The following PCDH11X variants were observed in gnomAD, a reference collection of about 807,000 sequenced individuals.
The protein encoded by PCDH11X is protocadherin 11 X-linked, also known as protocadherin-11 X-linked.
In PCDH11X, 18 loss-of-function variants were observed where a neutral mutation model predicts 53.3. That is an observed-to-expected ratio of 0.34 (90% CI 0.23 to 0.50). PCDH11X has a LOEUF of 0.50. Ranked by LOEUF, PCDH11X falls within the 20% of genes least tolerant of loss-of-function variation. The pLI is 0.98. For missense variants in PCDH11X, 570 were observed against 1,032.4 expected, an observed-to-expected ratio of 0.55 and a Z score of 6.14; for synonymous variants, 279 against 393.3, an observed-to-expected ratio of 0.71 and a Z score of 3.44.
At chrX:91,787,267 A>G (rs922682968) in intron 1 of PCDH11X, among the ~76,000 whole-genome samples, 3 of 109,952 alleles carry the variant, frequency 2.7e-5, no homozygotes, top group Non-Finnish European at 5.7e-5. Flanking sequence ...ATGTTTGCCA[A>G]TGATTTTTAG....
At chrX:92,153,843 G>C (rs1037862808) in intron 6 of PCDH11X, among the ~76,000 whole-genome samples, 3 of 110,076 alleles carry the variant, frequency 2.7e-5, no homozygotes, top group Non-Finnish European at 5.7e-5. Context: ...AAGTGCTCTT[G>C]TCTGTTAAGC....
At chrX:92,146,726 C>A (rs763550309) in intron 6 of PCDH11X, among the ~76,000 whole-genome samples, 1 of 111,480 alleles carries the variant, frequency 9.0e-6, no homozygotes, top group Non-Finnish European at 1.9e-5. Flanking sequence ...TGGCCTAGTG[C>A]GGTGGCTTAC....
At chrX:92,281,098 A>G (rs571312378) in intron 8 of PCDH11X, among the ~76,000 whole-genome samples, 8 of 111,244 alleles carry the variant, frequency 7.2e-5, no homozygotes, top group East Asian at 5.7e-4. Context: ...GTGAACTGCA[A>G]TCATTGAACT....
intron 8 of PCDH11X, among the ~76,000 whole-genome samples, chrX:92,325,226 C>G (rs1026378341): frequency 9.0e-6 from 1 of 110,514 alleles, no homozygotes; most frequent in African/African-American, 3.3e-5. Flanking sequence ...CTAAACTTGG[C>G]AACATTCTAT....
chrX:92,141,230 G>C (rs1195346032), intron 6 of PCDH11X, among the ~76,000 whole-genome samples: 1 of 111,406 alleles, frequency 9.0e-6, no homozygotes, highest in Non-Finnish European at 1.9e-5. Flanking sequence ...CAGTAATATT[G>C]AATGTTATAT....
chrX:92,557,053 G>A (rs1420712656), intron 10 of PCDH11X, among the ~76,000 whole-genome samples: 2 of 111,585 alleles, frequency 1.8e-5, no homozygotes, highest in Non-Finnish European at 3.8e-5. Flanking sequence ...GAAGCAGCTG[G>A]GATGCAAGGC....
chrX:92,132,649 ATATATATG>A (rs2065007527), intron 6 of PCDH11X, among the ~76,000 whole-genome samples: 2 of 58,674 alleles, frequency 3.4e-5, no homozygotes, highest in Non-Finnish European at 5.6e-5. Flanking sequence ...ATATATATAT[ATATATATG>A]TATATATATA....
chrX:91,978,596 G>A (rs1179678382), intron 6 of PCDH11X, among the ~76,000 whole-genome samples: 3 of 110,431 alleles, frequency 2.7e-5, no homozygotes, highest in Non-Finnish European at 5.7e-5. Flanking sequence ...GGTGAAAGAG[G>A]AATCTCCCTA....
intron 10 of PCDH11X, among the ~76,000 whole-genome samples, chrX:92,487,563 G>A (rs988003759): frequency 2.7e-5 from 3 of 110,940 alleles, no homozygotes; most frequent in South Asian, 7.6e-4. Context: ...TAAAAAAAGA[G>A]TATGGTTGTT....
chrX:92,597,421 T>A (rs1925746930), intron 10 of PCDH11X, among the ~76,000 whole-genome samples: 1 of 110,969 alleles, frequency 9.0e-6, no homozygotes, highest in Admixed American at 9.6e-5. Flanking sequence ...AGTAGTCAAA[T>A]TAATAATAGC....
intron 10 of PCDH11X, among the ~76,000 whole-genome samples, chrX:92,520,225 G>GA (rs1169379530): frequency 3.6e-5 from 3 of 83,485 alleles, no homozygotes; most frequent in African/African-American, 1.2e-4. Flanking sequence ...AAATCTCTCA[G>GA]ATTTTTTTTT....
intron 8 of PCDH11X, among the ~76,000 whole-genome samples, chrX:92,270,646 AG>A (rs746150477): frequency 8.9e-6 from 1 of 111,833 alleles, no homozygotes; most frequent in Non-Finnish European, 1.9e-5. Flanking sequence ...GAGGGGAAAG[AG>A]GGAGGATACG....
At chrX:92,575,944 T>C (rs6619078) in intron 10 of PCDH11X, among the ~76,000 whole-genome samples, 5,710 of 19,356 alleles carry the variant, frequency 0.29, 546 homozygotes, top group African/African-American at 0.36. Flanking sequence ...TATATATATA[T>C]ACACACACAC....
Position 92,331,385 on chromosome X carries a change from T to G in PCDH11X, c.3145-56350T>G, listed in dbSNP as rs766567001. On this transcript the variant is annotated intron_variant, in intron 8 of 10. Transcript: ENST00000682573. ...CTCCTCCTCCTTTTCCTCCTCCTCC[T>G]CCTCCTCTTCCTTCTTCTGCTTTTA... is the stretch of plus-strand genomic sequence containing the variant. Among the ~76,000 whole-genome samples the G allele has an allele frequency of 1.0e-4, 10 of 99,536 alleles. No homozygotes were observed. The South Asian group carries it at 4.5e-3, about 44-fold the overall frequency. The allele number at this position is 99,536 out of a possible 115,157, so 86.4% of individuals were successfully genotyped here.
At chrX:92,560,511 C>T (rs1220579314) in intron 10 of PCDH11X, among the ~76,000 whole-genome samples, 2 of 107,934 alleles carry the variant, frequency 1.9e-5, no homozygotes, top group Non-Finnish European at 3.8e-5. Flanking sequence ...TGTGTACAGA[C>T]CTAGGTTCTT....
Position 92,353,541 on chromosome X carries a change from G to A in PCDH11X, c.3145-34194G>A, listed in dbSNP as rs754379761. On this transcript the variant is annotated intron_variant, in intron 8 of 10. Transcript: ENST00000682573. ...TAGGTTCACAAATAAATCATTTTAC[G>A]CCTCTTTGCTTTCAGAATAATTCAT... is the stretch of plus-strand genomic sequence containing the variant. Among the ~76,000 whole-genome samples, 319 of 110,364 alleles carry A rather than the reference G, an allele frequency of 2.9e-3. 2 individuals carry two copies. The highest frequency in any genetic ancestry group is 9.9e-3 in the African/African-American group (301 of 30,308).
In PCDH11X at chrX:92,288,209, A is replaced by G. The variant is rs761728157; in HGVS notation, c.3144+25066A>G. Among the ~76,000 whole-genome samples, 111 of 110,897 alleles carry G rather than the reference A, an allele frequency of 1.0e-3. 1 individual carries two copies. Among genetic ancestry groups the G allele is most frequent in the African/African-American group, 3.5e-3 (107 of 30,474 alleles). On this transcript the variant is annotated intron_variant, in intron 8 of 10. Transcript: ENST00000682573. ...CTTTTTAGATGCAGAGATTGAAGAA[A>G]CCAAAATTAATGGCCATTTCTGGGA...
chrX:92,086,578 C>G (rs941432863), intron 6 of PCDH11X, among the ~76,000 whole-genome samples: 1 of 111,351 alleles, frequency 9.0e-6, no homozygotes, highest in Non-Finnish European at 1.9e-5. Context: ...CACAGGTTAC[C>G]TAAGCAAACT....
intron 6 of PCDH11X, among the ~76,000 whole-genome samples, chrX:91,921,297 G>A (rs930647926): frequency 9.1e-6 from 1 of 110,386 alleles, no homozygotes; most frequent in African/African-American, 3.3e-5. Context: ...TGTTATAGTT[G>A]ATGAATTTAC....
Sources: gnomAD v4.1 joint callset for allele counts (sites outside exome capture counted in the v4.1 genomes callset) on GRCh38, gnomAD v4.1.1 for gene constraint, MANE v1.5 for transcripts, NCBI Gene and HGNC (gene_info 2026-07-23, HGNC 2026-07-21) for gene names.